The following SLC12A2 variants were observed in gnomAD, a reference collection of about 807,000 sequenced individuals.
SLC12A2 encodes the protein Na-K-2Cl cotransporter 1.
Under a neutral mutation model 136.3 loss-of-function variants are expected in SLC12A2, and 67 were observed. The observed-to-expected ratio is 0.49, with a 90% CI of 0.40 to 0.60. The LOEUF (loss-of-function observed/expected upper bound fraction) is 0.60, where lower values mean the gene tolerates loss of function less well. Ranked by LOEUF, SLC12A2 falls within the 20% of genes least tolerant of loss-of-function variation. The pLI, the probability that SLC12A2 is intolerant of heterozygous loss-of-function variation, is 0.00. For missense variants in SLC12A2, 1,322 were observed against 1,534.7 expected (o/e 0.86, Z 2.32); for synonymous variants, 619 against 562.9 (o/e 1.10, Z -1.41).
chr5:128,177,189 T>C (rs775025557), intron 21 of SLC12A2, 37 bp downstream of exon 21: 1 of 1,486,554 alleles, frequency 6.7e-7, no homozygotes, highest in Non-Finnish European at 9.2e-7. Context: ...AAACCCTTTT[T>C]CATACTGTAA....
intron 4 of SLC12A2, among the ~76,000 whole-genome samples, chr5:128,121,459 A>G (rs908072356): frequency 6.6e-6 from 1 of 151,816 alleles, no homozygotes; most frequent in African/African-American, 2.4e-5. Context: ...AGTAGCTGGG[A>G]CTACAGGTAC....
rs1763894580 is a variant in SLC12A2, at chr5:128,187,143, TA to T, written c.*515del. 1 of 153,236 alleles carries T rather than the reference TA, an allele frequency of 6.5e-6. No individual in the cohort carries two copies. Among genetic ancestry groups the T allele is most frequent in the Non-Finnish European group, 1.5e-5 (1 of 68,446 alleles). 9.5% of individuals were successfully genotyped at this position (153,236 alleles called of 1,614,324 possible). A position where few individuals can be genotyped will look rare whatever the true frequency, so the allele number is the denominator to read the frequency against. ...TACTGTATGTGTTTTGTTAATTCTA[TA>T]AAGGTATCTGTTAGATATTAAAGGT... On this transcript the variant is annotated 3_prime_UTR_variant, in exon 27 of 27. Transcript: ENST00000262461.
intron 10 of SLC12A2, 94 bp from the exon 11 acceptor site, chr5:128,147,528 G>A (rs1762566114): frequency 2.7e-6 from 2 of 736,158 alleles, no homozygotes; most frequent in Non-Finnish European, 4.7e-6. Flanking sequence ...GATCCCTAGT[G>A]TTAACCTCCT....
In SLC12A2 at chr5:128,083,889, G is replaced by A. The variant is rs1223437355; in HGVS notation, c.-66G>A. The A allele has an allele frequency of 3.5e-6, 4 of 1,148,858 alleles. No homozygotes were observed. The highest frequency in any genetic ancestry group is 6.7e-5 in the East Asian group (2 of 29,896). 71.2% of individuals were successfully genotyped at this position (1,148,858 alleles called of 1,614,324 possible). ...GCGGCTGTGGCCACCGCCGGCCAGGGGTGTGGAGGGCGTGCTGCCGGAGAC... is the reference window on the plus strand; with the variant it reads ...GCGGCTGTGGCCACCGCCGGCCAGGAGTGTGGAGGGCGTGCTGCCGGAGAC... On this transcript the variant is annotated 5_prime_UTR_variant, in exon 1 of 27. Coordinates refer to ENST00000262461, the MANE Select transcript of SLC12A2 (RefSeq NM_001046.3).
chr5:128,150,206 T>A, intron 13 of SLC12A2, 108 bp downstream of exon 13: 1 of 679,336 alleles, frequency 1.5e-6, no homozygotes, highest in East Asian at 2.7e-5. Context: ...AGTTCATTAA[T>A]GCCAAGTCTG....
At chr5:128,126,853 C>T (rs1761811456) in intron 4 of SLC12A2, among the ~76,000 whole-genome samples, 1 of 147,330 alleles carries the variant, frequency 6.8e-6, no homozygotes, top group Admixed American at 6.8e-5. Context: ...CATATTTATC[C>T]TAAATGGATG....
intron 2 of SLC12A2, 113 bp downstream of exon 2, chr5:128,113,046 C>T (rs1380653980): frequency 3.2e-5 from 29 of 907,672 alleles, no homozygotes; most frequent in Non-Finnish European, 3.9e-5. Flanking sequence ...TGTTAACTGT[C>T]TTATCTGAGT....
At chr5:128,134,862 A>T (rs1163142040) in intron 6 of SLC12A2, among the ~76,000 whole-genome samples, 2 of 152,096 alleles carry the variant, frequency 1.3e-5, no homozygotes, top group East Asian at 3.8e-4. Flanking sequence ...ACTTTTGAAG[A>T]CCTTATAAAA....
chr5:128,170,455 G>C (rs1159101454), intron 18 of SLC12A2: 1 of 152,046 alleles, frequency 6.6e-6, no homozygotes, highest in Non-Finnish European at 1.5e-5. Context: ...ATTATATCCT[G>C]AACACATTCT....
intron 14 of SLC12A2, among the ~76,000 whole-genome samples, chr5:128,151,975 T>C (rs1169575294): frequency 6.6e-6 from 1 of 152,152 alleles, no homozygotes; most frequent in Non-Finnish European, 1.5e-5. Flanking sequence ...CCAGGTAAGA[T>C]GATGATGCTG....
chr5:128,095,664 C>T (rs568884103), intron 1 of SLC12A2, among the ~76,000 whole-genome samples: 1 of 152,048 alleles, frequency 6.6e-6, no homozygotes, highest in African/African-American at 2.4e-5. Context: ...TTTCTTAAAA[C>T]ATTATGAAAT....
intron 1 of SLC12A2, among the ~76,000 whole-genome samples, chr5:128,105,326 C>A (rs1011418879): frequency 6.6e-6 from 1 of 152,022 alleles, no homozygotes; most frequent in Non-Finnish European, 1.5e-5. Context: ...ATGGAAAATA[C>A]GGGATGAGCA....
chr5:128,189,376 A>T lies in SLC12A2; in HGVS notation c.*2745A>T, dbSNP rs893840411. On this transcript the variant is annotated 3_prime_UTR_variant, in exon 27 of 27. Coordinates refer to ENST00000262461, the MANE Select transcript of SLC12A2 (RefSeq NM_001046.3). ...AGAGAATGGTGGTGTTGAGCTGATT[A>T]TTAACAGTTACTGAAATCAAATATT... 8 of 152,218 alleles carry T rather than the reference A, an allele frequency of 5.3e-5. No individual in the cohort carries two copies. Among genetic ancestry groups the T allele is most frequent in the African/African-American group, 1.9e-4 (8 of 41,470 alleles). 9.4% of individuals were successfully genotyped at this position (152,218 alleles called of 1,614,324 possible).
Position 128,084,226 on chromosome 5 carries a change from G to C in SLC12A2, c.272G>C (p.Gly91Ala). The C allele has an allele frequency of 1.6e-6, 2 of 1,277,282 alleles. No individual in the cohort carries two copies. The highest frequency in any genetic ancestry group is 2.9e-5 in the South Asian group (1 of 33,960). The allele number at this position is 1,277,282 out of a possible 1,614,324, so 79.1% of individuals were successfully genotyped here. The change falls in exon 1 of 27, where the codon GGG becomes GCG. Residue 91 changes from glycine to alanine, a missense_variant. Transcript: ENST00000262461. The surrounding 1 kb of genome is among the most constrained non-coding windows in gnomAD (Gnocchi z 5.6). ...GTGGACCTGGTTTCCGAGAACGCCGGGCGGGCCGCTGCTGCGGCGGCGGCG... is the reference window on the plus strand; with the variant it reads ...GTGGACCTGGTTTCCGAGAACGCCGCGCGGGCCGCTGCTGCGGCGGCGGCG... ...FQVDLVSENA[G>A]RAAAAAAAAA... is the part of the protein sequence containing the mutation.
At chr5:128,167,561 A>G (rs942929834) in intron 17 of SLC12A2, among the ~76,000 whole-genome samples, 200 bp from the exon 18 acceptor site, 1 of 152,132 alleles carries the variant, frequency 6.6e-6, no homozygotes, top group Middle Eastern at 3.4e-3. Context: ...TTTAAATTAT[A>G]TTTTTGTGTA....
rs1361060962 is a variant in SLC12A2 at position 128,114,630 on chromosome 5, A to G, written c.997A>G (p.Ile333Val). The G allele has an allele frequency of 2.5e-6, 4 of 1,612,894 alleles. No homozygotes were observed. The highest frequency in any genetic ancestry group is 3.4e-6 in the Non-Finnish European group (4 of 1,179,058). ...AATGATGGCCACTGTTGTGACAACT[A>G]TCACAGGATTGTCTACTTCAGCAAT... Reference protein sequence around the residue: ...VIMMATVVTTITGLSTSAIAT... With the variant: ...VIMMATVVTTVTGLSTSAIAT... The change falls in exon 4 of 27, where the codon ATC becomes GTC. Residue 333 changes from isoleucine (I) to valine (V), a missense_variant. Ile to Val is a conservative substitution (Grantham distance 29). Coordinates refer to ENST00000262461, the MANE Select transcript of SLC12A2 (RefSeq NM_001046.3).
chr5:128,185,398 T>A (rs1484757218), intron 26 of SLC12A2, among the ~76,000 whole-genome samples: 1 of 152,290 alleles, frequency 6.6e-6, no homozygotes, highest in South Asian at 2.1e-4. Context: ...TTAGCTATTC[T>A]TTGAACCCAC....
intron 22 of SLC12A2, 66 bp from the exon 23 acceptor site, chr5:128,180,817 T>A: frequency 2.2e-6 from 2 of 920,496 alleles, no homozygotes; most frequent in Non-Finnish European, 3.5e-6. Flanking sequence ...TTTTCGAGAC[T>A]AAATTGATGT....
At position 128,161,756 on chromosome 5, in the gene SLC12A2, G is replaced by C. The variant is rs1328792776; in HGVS notation, c.2572G>C (p.Val858Leu). 6.6e-7 allele frequency: 1 copy of C among 1,517,990 alleles called. No homozygotes were observed. 94.0% of individuals were successfully genotyped at this position (1,517,990 alleles called of 1,614,324 possible). Reference protein sequence around the residue: ...KNKMKAFYAPVHADDLREGAQ... With the variant: ...KNKMKAFYAPLHADDLREGAQ... Reference sequence around the variant, plus strand: ...CAAAATGAAGGCATTTTATGCTCCAGTACATGCAGATGACTTGAGAGAAGG... The same window carrying C: ...CAAAATGAAGGCATTTTATGCTCCACTACATGCAGATGACTTGAGAGAAGG... The change falls in exon 17 of 27, where the codon GTA becomes CTA. Residue 858 changes from valine (V) to leucine (L), a missense_variant. By Grantham distance (32) the Val-to-Leu change is conservative. Coordinates refer to ENST00000262461, the MANE Select transcript of SLC12A2 (RefSeq NM_001046.3).
Sources: gnomAD v4.1 joint callset for allele counts (sites outside exome capture counted in the v4.1 genomes callset) on GRCh38, gnomAD v4.1.1 for gene constraint, Gnocchi (gnomAD v3.1) non-coding constraint, MANE v1.5 for transcripts, NCBI Gene and HGNC (gene_info 2026-07-23, HGNC 2026-07-21) for gene names.